TMEM222: variants seen among roughly 807,000 people sequenced by gnomAD.
The protein encoded by TMEM222 is transmembrane protein 222, also known as chromosome 1 open reading frame 160.
A neutral mutation model predicts 25.1 loss-of-function variants in TMEM222; 18 were observed. The observed-to-expected ratio is 0.72, with a 90% confidence interval of 0.50 to 1.06. The LOEUF (loss-of-function observed/expected upper bound fraction) is 1.06, where lower values mean the gene tolerates loss of function less well. TMEM222 is among the 50% of genes least tolerant of loss of function. TMEM222 has a pLI of 0.00. For missense variants in TMEM222, 296 were observed against 293.7 expected (o/e 1.01, Z -0.06); for synonymous variants, 131 against 117.9 (o/e 1.11, Z -0.72).
At chr1:27,325,410 A>G (rs1049639412) in intron 1 of TMEM222, 6 of 1,106,752 alleles carry the variant, frequency 5.4e-6, no homozygotes, top group African/African-American at 1.5e-5. Flanking sequence ...TGGCCAGGTC[A>G]TCACCATCAG....
chr1:27,335,591 C>A lies in TMEM222; in HGVS notation c.*125C>A. 1 of 921,018 alleles carries A rather than the reference C, an allele frequency of 1.1e-6. No homozygotes were observed. Among genetic ancestry groups the A allele is most frequent in the Non-Finnish European group, 1.7e-6 (1 of 596,554 alleles). 57.1% of individuals were successfully genotyped at this position (921,018 alleles called of 1,614,324 possible). ...GGGCCTGCTGTTGTGGACCGGGGGT[C>A]GGGGCTGGCAGGATGGAAGGACTGA... On this transcript the variant is annotated 3_prime_UTR_variant, in exon 6 of 6. Transcript: ENST00000374076.
At chr1:27,331,101 A>G in intron 2 of TMEM222, 1 of 1,285,314 alleles carries the variant, frequency 7.8e-7, no homozygotes, top group South Asian at 1.9e-5. Flanking sequence ...GTGGAGAGTC[A>G]GACCATCCAG....
rs757334492 is a variant in TMEM222 at position 27,333,950 on chromosome 1, C to G, written c.312-8C>G. 6.2e-7 allele frequency: 1 copy of G among 1,612,310 alleles called. No individual in the cohort carries two copies. The highest frequency in any genetic ancestry group is 1.1e-5 in the South Asian group (1 of 90,906). ...AAGCAAGTGTCCAGAGCCCTTCTCT[C>G]CCCCCAGGTACTGGAAGTTGGACCC... is the stretch of plus-strand genomic sequence containing the variant. On this transcript the variant is annotated splice_polypyrimidine_tract_variant and splice_region_variant and intron_variant, in intron 3 of 5. Coordinates refer to ENST00000374076, the MANE Select transcript of TMEM222 (RefSeq NM_032125.3).
intron 1 of TMEM222, chr1:27,325,442 G>A (rs1255405281): frequency 8.8e-6 from 11 of 1,244,046 alleles, no homozygotes; most frequent in African/African-American, 1.5e-5. Flanking sequence ...TCCAGTGTCC[G>A]GAGGCGCTGT....
intron 1 of TMEM222, among the ~76,000 whole-genome samples, chr1:27,329,622 T>C (rs1212891362): frequency 6.6e-6 from 1 of 152,254 alleles, no homozygotes; most frequent in Non-Finnish European, 1.5e-5. Flanking sequence ...TGTTGAACAT[T>C]TGGATTCTTT....
At chr1:27,333,928 C>T (rs1366790796) in intron 3 of TMEM222, 30 bp from the exon 4 acceptor site, 1 of 1,600,294 alleles carries the variant, frequency 6.2e-7, no homozygotes, top group Non-Finnish European at 8.5e-7. Context: ...AGGAGCCAAG[C>T]AAGTGTCCAG....
At chr1:27,325,424 C>T (rs1040283844) in intron 1 of TMEM222, 1 of 1,165,128 alleles carries the variant, frequency 8.6e-7, no homozygotes, top group Non-Finnish European at 1.3e-6. Context: ...CCATCAGCAA[C>T]AAGCGGTTCC....
At chr1:27,323,321 C>T (rs1048986855) in intron 1 of TMEM222, among the ~76,000 whole-genome samples, 3 of 152,136 alleles carry the variant, frequency 2.0e-5, no homozygotes, top group Non-Finnish European at 2.9e-5. Context: ...TAGCTTGTTC[C>T]GCTATCAATA....
chr1:27,328,767 ACCT>A (rs986705130), intron 1 of TMEM222, among the ~76,000 whole-genome samples: 2 of 152,050 alleles, frequency 1.3e-5, no homozygotes, highest in African/African-American at 4.8e-5. Context: ...GTTAAAAGTC[ACCT>A]CCTCTGTGAA....
At chr1:27,331,100 C>G (rs1180328354) in intron 2 of TMEM222, 1 of 1,285,010 alleles carries the variant, frequency 7.8e-7, no homozygotes, top group Non-Finnish European at 1.0e-6. Flanking sequence ...AGTGGAGAGT[C>G]AGACCATCCA....
intron 1 of TMEM222, among the ~76,000 whole-genome samples, chr1:27,323,291 T>G (rs978210281): frequency 1.3e-5 from 2 of 152,208 alleles, no homozygotes; most frequent in Non-Finnish European, 2.9e-5. Context: ...CTACATCTTA[T>G]CCACTCTCAC....
At chr1:27,331,939 A>AG in intron 2 of TMEM222, 131 bp from the exon 3 acceptor site, 1 of 847,106 alleles carries the variant, frequency 1.2e-6, no homozygotes, top group Non-Finnish European at 2.0e-6. Context: ...GGCAGGGCCC[A>AG]GGCCCCACTT....
rs1371003735 is a variant in TMEM222 at position 27,322,172 on chromosome 1, G to A, written c.-26G>A. ...GGGGACGAGCGGCACCAGAGCCGGGGCCAGTCGGAGCGGGGCGCGCGCCGC... is the reference window on the plus strand; with the variant it reads ...GGGGACGAGCGGCACCAGAGCCGGGACCAGTCGGAGCGGGGCGCGCGCCGC... On this transcript the variant is annotated 5_prime_UTR_variant, in exon 1 of 6. Transcript: ENST00000374076. 2.2e-6 allele frequency: 3 copies of A among 1,371,330 alleles called. No individual in the cohort carries two copies. The highest frequency in any genetic ancestry group is 3.4e-5 in the Admixed American group (1 of 29,046). The allele number at this position is 1,371,330 out of a possible 1,614,324, so 84.9% of individuals were successfully genotyped here. A position where few individuals can be genotyped will look rare whatever the true frequency, so the allele number is the denominator to read the frequency against.
chr1:27,327,926 G>C (rs549844863), intron 1 of TMEM222, among the ~76,000 whole-genome samples: 1 of 152,344 alleles, frequency 6.6e-6, no homozygotes, highest in East Asian at 1.9e-4. Context: ...ACTCTTAAAT[G>C]CAGGATGTTC....
At chr1:27,333,074 T>C (rs1163161284) in intron 3 of TMEM222, 1 of 335,054 alleles carries the variant, frequency 3.0e-6, no homozygotes, top group Non-Finnish European at 5.9e-6. Context: ...ACCATCAGCT[T>C]CCCTGCCACT....
intron 2 of TMEM222, chr1:27,331,082 G>A (rs1476467910): frequency 7.4e-7 from 1 of 1,345,812 alleles, no homozygotes; most frequent in Admixed American, 3.4e-5. Context: ...GTAGGGATTA[G>A]AGGCAAGAGT....
At chr1:27,332,134 G>T (rs201478434) in intron 3 of TMEM222, 33 bp downstream of exon 3, 61 of 1,614,040 alleles carry the variant, frequency 3.8e-5, no homozygotes, top group Non-Finnish European at 5.1e-5. Flanking sequence ...ACTGGCTCTA[G>T]AGGCAGGTCG....
chr1:27,322,626 G>C (rs2014233069), intron 1 of TMEM222, among the ~76,000 whole-genome samples: 1 of 152,240 alleles, frequency 6.6e-6, no homozygotes, highest in Non-Finnish European at 1.5e-5. Flanking sequence ...TTGTAGGCCA[G>C]CAGGAAAGGG....
intron 1 of TMEM222, among the ~76,000 whole-genome samples, chr1:27,329,604 C>G (rs866898465): frequency 6.6e-6 from 1 of 152,154 alleles, no homozygotes; most frequent in Non-Finnish European, 1.5e-5. Context: ...ACTTATTCAT[C>G]GTACTGTTGT....
Sources: gnomAD v4.1 joint callset for allele counts (sites outside exome capture counted in the v4.1 genomes callset) on GRCh38, gnomAD v4.1.1 for gene constraint, MANE v1.5 for transcripts, NCBI Gene and HGNC (gene_info 2026-07-23, HGNC 2026-07-21) for gene names.